POGZ: variants seen among roughly 807,000 people sequenced by gnomAD.
POGZ encodes the protein pogo transposable element derived with ZNF domain.
POGZ carries 17 observed loss-of-function variants against 134.6 expected under a neutral mutation model. The ratio of observed to expected loss-of-function variants is 0.13; its 90% confidence interval spans 0.09 to 0.19. POGZ has a LOEUF of 0.19. Among genes scored for constraint, POGZ ranks in the 10% least tolerant of loss-of-function variants. The pLI is 1.00. For missense variants in POGZ, 1,306 were observed against 1,769.7 expected (o/e 0.74, Z 4.70); for synonymous variants, 693 against 657.1 (o/e 1.05, Z -0.84).
At chr1:151,436,868 A>G (rs772125902) in intron 3 of POGZ, among the ~76,000 whole-genome samples, 2 of 152,192 alleles carry the variant, frequency 1.3e-5, no homozygotes, top group African/African-American at 2.4e-5. Flanking sequence ...AGCTAGGAGT[A>G]GAACTGCTGG....
chr1:151,447,910 T>TA (rs1230106974), intron 1 of POGZ, among the ~76,000 whole-genome samples: 1 of 152,120 alleles, frequency 6.6e-6, no homozygotes, highest in African/African-American at 2.4e-5. Flanking sequence ...CATCGTTTGA[T>TA]AAAATCTTTG....
intron 1 of POGZ, among the ~76,000 whole-genome samples, chr1:151,443,052 TA>T (rs1660778564): frequency 6.6e-6 from 1 of 151,990 alleles, no homozygotes; most frequent in South Asian, 2.1e-4. Flanking sequence ...ACAAAAAGTT[TA>T]ATGTGTAATA....
rs1571455979 is a variant in POGZ at position 151,428,236 on chromosome 1, G to T, written c.746C>A (p.Thr249Asn). The T allele has an allele frequency of 6.2e-7, 1 of 1,614,044 alleles. No individual in the cohort carries two copies. Among genetic ancestry groups the T allele is most frequent in the Non-Finnish European group, 8.5e-7 (1 of 1,179,912 alleles). ...GGTAGAAGTGCTGGGAGTGGACTTG[G>T]TCTGCTGGGACTGGGACTGTGGGAC... ...STVPQSQSQQ[T>N]KSTPSTSTTP... Residue 249 changes from threonine (T) to asparagine (N), a missense_variant, in exon 6 of 19, where the codon ACC becomes AAC. By Grantham distance (65) the Thr-to-Asn change is moderately conservative (BLOSUM62 0). Around this residue, in one of 10 missense-constraint regions of POGZ, gnomAD observed 541 missense variants for 680.5 expected, o/e 0.80. Coordinates refer to ENST00000271715, the MANE Select transcript of POGZ (RefSeq NM_015100.4).
At position 151,404,224 on chromosome 1, in the gene POGZ, CATT is replaced by C; in HGVS notation, c.*575_*577del. On this transcript the variant is annotated 3_prime_UTR_variant, in exon 19 of 19. Transcript: ENST00000271715. Reference sequence around the variant, plus strand: ...AGAGAGTTCAGTGGGACTTTTTTTCCATTTTCATTTTTATATAAAAGTGTTAAG... The same window carrying C: ...AGAGAGTTCAGTGGGACTTTTTTTCCTTCATTTTTATATAAAAGTGTTAAG... 2 of 985,220 alleles carry C rather than the reference CATT, an allele frequency of 2.0e-6. No homozygotes were observed. Among genetic ancestry groups the C allele is most frequent in the Non-Finnish European group, 1.2e-6 (1 of 829,534 alleles). 61.0% of individuals were successfully genotyped at this position (985,220 alleles called of 1,614,324 possible).
At chr1:151,446,177 CAAAA>C (rs10711955) in intron 1 of POGZ, among the ~76,000 whole-genome samples, 2 of 127,100 alleles carry the variant, frequency 1.6e-5, no homozygotes, top group Admixed American at 8.3e-5. Context: ...AATGTGCCCT[CAAAA>C]AAAAAAAAAA....
Position 151,437,196 on chromosome 1 carries a change from C to T in POGZ, c.283+3732G>A, listed in dbSNP as rs114314827. On this transcript the variant is annotated intron_variant, in intron 3 of 18. Transcript: ENST00000271715. ...GCAACAAAGCAGGCTGGAGTGCAGACTCCGTCTCAAAAAAAAAAAAAAGTA... is the reference window on the plus strand; with the variant it reads ...GCAACAAAGCAGGCTGGAGTGCAGATTCCGTCTCAAAAAAAAAAAAAAGTA... Among the ~76,000 whole-genome samples, 704 of 147,838 alleles carry T rather than the reference C, an allele frequency of 4.8e-3. 3 individuals are homozygous for T. The highest frequency in any genetic ancestry group is 0.017 in the African/African-American group (686 of 40,374).
At chr1:151,408,884 TTTC>T (rs1654146818) in intron 12 of POGZ, 56 bp from the exon 13 acceptor site, 5 of 1,553,974 alleles carry the variant, frequency 3.2e-6, no homozygotes, top group Non-Finnish European at 4.4e-6. Flanking sequence ...CCTAATAAAT[TTTC>T]TTTTTTGAGG....
rs1653085060 is a variant in POGZ, at chr1:151,403,645, G to A, written c.*1157C>T. 1 of 985,584 alleles carries A rather than the reference G, an allele frequency of 1.0e-6. No individual in the cohort carries two copies. The highest frequency in any genetic ancestry group is 1.2e-6 in the Non-Finnish European group (1 of 829,770). The allele number at this position is 985,584 out of a possible 1,614,324, so 61.1% of individuals were successfully genotyped here. ...AATAAAGATTCATGTCATTTTCTTT[G>A]TGCACACCCCTGTGCGCTTCTTCCT... On this transcript the variant is annotated 3_prime_UTR_variant, in exon 19 of 19. Coordinates refer to ENST00000271715, the MANE Select transcript of POGZ (RefSeq NM_015100.4).
intron 1 of POGZ, among the ~76,000 whole-genome samples, chr1:151,452,518 T>G (rs747015005): frequency 6.6e-6 from 1 of 152,006 alleles, no homozygotes; most frequent in African/African-American, 2.4e-5. Flanking sequence ...TATTTTCTTA[T>G]AGATACTAGT....
chr1:151,410,914 A>G (rs529572864), intron 12 of POGZ, among the ~76,000 whole-genome samples: 1 of 152,242 alleles, frequency 6.6e-6, no homozygotes, highest in South Asian at 2.1e-4. Context: ...AAATATCACA[A>G]ATCTTCTGAA....
In POGZ at chr1:151,429,613, T is replaced by A. The variant is rs769677014; in HGVS notation, c.558A>T (p.Thr186=). Residue 186 remains threonine (T), a synonymous_variant, in exon 5 of 19, where the codon ACA becomes ACT. Coordinates refer to ENST00000271715, the MANE Select transcript of POGZ (RefSeq NM_015100.4). ...VQQGQTVRPI[T]LVPAPGTQFV... is the part of the protein sequence containing the mutation. ...GACATTTTTCCTTACCTGGAACTAG[T>A]GTAATTGGTCTAACCGTTTGGCCTT... 1.7e-5 allele frequency: 26 copies of A among 1,573,936 alleles called. No homozygotes were observed. The South Asian group carries it at 2.2e-4, about 13-fold the overall frequency.
chr1:151,408,464 C>T lies in POGZ; in HGVS notation c.2179G>A (p.Val727Ile). 1 of 1,593,210 alleles carries T rather than the reference C, an allele frequency of 6.3e-7. No homozygotes were observed. The highest frequency in any genetic ancestry group is 1.1e-5 in the South Asian group (1 of 87,350). Reference sequence around the variant, plus strand: ...CGCTGGACAGGGGGATAAAGGAAGACAGGCAGAGGGTCCATTGAGGAGGTC... The same window carrying T: ...CGCTGGACAGGGGGATAAAGGAAGATAGGCAGAGGGTCCATTGAGGAGGTC... Reference protein sequence around the residue: ...PLTSSMDPLPVFLYPPVQRSI... With the variant: ...PLTSSMDPLPIFLYPPVQRSI... Residue 727 changes from valine to isoleucine, a missense_variant, in exon 14 of 19, where the codon GTC (valine) becomes ATC (isoleucine). This residue lies in a region of POGZ where 149 missense variants were observed against 237.5 expected (regional missense o/e 0.63). Transcript: ENST00000271715.
intron 1 of POGZ, among the ~76,000 whole-genome samples, chr1:151,445,553 G>A (rs1661151349): frequency 5.5e-5 from 8 of 145,346 alleles, no homozygotes; most frequent in East Asian, 2.0e-4. Context: ...AAAAGAAAGA[G>A]ACAAAAAAGA....
chr1:151,404,362 A>G lies in POGZ; in HGVS notation c.*440T>C, dbSNP rs1361643800. ...GTTCTCACATTAACAATGATTAGATAGCATCATGCCCAAAGACATTGGCCA... is the reference window on the plus strand; with the variant it reads ...GTTCTCACATTAACAATGATTAGATGGCATCATGCCCAAAGACATTGGCCA... On this transcript the variant is annotated 3_prime_UTR_variant, in exon 19 of 19. Coordinates refer to ENST00000271715, the MANE Select transcript of POGZ (RefSeq NM_015100.4). The G allele has an allele frequency of 1.0e-6, 1 of 985,872 alleles. No homozygotes were observed. The highest frequency in any genetic ancestry group is 1.7e-5 in the African/African-American group (1 of 57,256). 61.1% of individuals were successfully genotyped at this position (985,872 alleles called of 1,614,324 possible).
chr1:151,431,350 T>A (rs1282639108), intron 3 of POGZ, among the ~76,000 whole-genome samples: 1 of 152,172 alleles, frequency 6.6e-6, no homozygotes, highest in Admixed American at 6.5e-5. Context: ...CAGAACAAAA[T>A]ATGTTAAGTC....
chr1:151,451,952 C>A (rs1331017847), intron 1 of POGZ, among the ~76,000 whole-genome samples: 2 of 151,404 alleles, frequency 1.3e-5, no homozygotes, highest in Non-Finnish European at 2.9e-5. Flanking sequence ...CAAAAATTAG[C>A]CGGGCGTGGT....
intron 3 of POGZ, among the ~76,000 whole-genome samples, chr1:151,431,569 C>A (rs1658700635): frequency 6.6e-6 from 1 of 152,148 alleles, no homozygotes; most frequent in Non-Finnish European, 1.5e-5. Context: ...GACTGACAGG[C>A]TACCTACCGT....
intron 10 of POGZ, 32 bp from the exon 11 acceptor site, chr1:151,412,428 T>C (rs762272893): frequency 6.5e-6 from 8 of 1,235,268 alleles, no homozygotes; most frequent in South Asian, 1.2e-5. Context: ...ATAAATCCAC[T>C]TGAAAATAAG....
At chr1:151,452,990 T>C (rs1250195589) in intron 1 of POGZ, among the ~76,000 whole-genome samples, 1 of 151,822 alleles carries the variant, frequency 6.6e-6, no homozygotes, top group Non-Finnish European at 1.5e-5. Context: ...TGGAGTGATC[T>C]TGGCTCACTG....
Sources: allele counts gnomAD v4.1 joint callset (sites outside exome capture counted in the v4.1 genomes callset), GRCh38; gene constraint gnomAD v4.1.1; regional missense constraint gnomAD v4.1.1; transcripts MANE v1.5; gene names NCBI Gene and HGNC (gene_info 2026-07-23, HGNC 2026-07-21).